HNRNPA2B1: variants seen among roughly 807,000 people sequenced by gnomAD.
HNRNPA2B1 encodes heterogeneous nuclear ribonucleoprotein A2/B1.
In HNRNPA2B1, 3 loss-of-function variants were observed where a neutral mutation model predicts 46.3. The ratio of observed to expected loss-of-function variants is 0.06; its 90% CI spans 0.03 to 0.17. The LOEUF (loss-of-function observed/expected upper bound fraction) is 0.17, where lower values mean the gene tolerates loss of function less well. Among genes scored for constraint, HNRNPA2B1 ranks in the 10% least tolerant of loss-of-function variants. The pLI, the probability that HNRNPA2B1 is intolerant of heterozygous loss-of-function variation, is 1.00. For missense variants in HNRNPA2B1, 221 were observed against 418.9 expected, an observed-to-expected ratio of 0.53 and a Z score of 4.12; for synonymous variants, 225 against 133.8, an observed-to-expected ratio of 1.68 and a Z score of -4.70.
At chr7:26,195,752 A>G in intron 7 of HNRNPA2B1, 95 bp downstream of exon 7, 3 of 1,379,474 alleles carry the variant, frequency 2.2e-6, no homozygotes, top group Non-Finnish European at 2.9e-6. Flanking sequence ...ACACTAATAT[A>G]AAATGTTTAA....
chr7:26,196,746 T>G (rs1430360995), intron 4 of HNRNPA2B1, 61 bp downstream of exon 4: 20 of 1,565,932 alleles, frequency 1.3e-5, no homozygotes, highest in Non-Finnish European at 1.7e-5. Flanking sequence ...GTTACAGATG[T>G]TAACATACAC....
chr7:26,196,050 C>T lies in HNRNPA2B1; in HGVS notation c.659-141G>A, dbSNP rs1342027937. The T allele has an allele frequency of 4.9e-6, 6 of 1,214,674 alleles. No homozygotes were observed. The East Asian group carries it at 1.4e-4, about 28-fold the overall frequency. The allele number at this position is 1,214,674 out of a possible 1,614,324, so 75.2% of individuals were successfully genotyped here. ...CACACCAGTGCTACCAGTTTACCCACAAAACATGAAAGCATATAATTAAAT... is the reference window on the plus strand; with the variant it reads ...CACACCAGTGCTACCAGTTTACCCATAAAACATGAAAGCATATAATTAAAT... On this transcript the variant is annotated intron_variant, in intron 6 of 10. Transcript: ENST00000618183.
intron 10 of HNRNPA2B1, 26 bp downstream of exon 10, chr7:26,192,469 A>T: frequency 6.9e-7 from 1 of 1,450,394 alleles, no homozygotes. Context: ...AGATAATAAT[A>T]ATTGTAAAAC....
intron 7 of HNRNPA2B1, among the ~76,000 whole-genome samples, chr7:26,194,297 G>A (rs1783252216): frequency 6.6e-6 from 1 of 152,162 alleles, no homozygotes; most frequent in African/African-American, 2.4e-5. Context: ...TCTGGAGGCT[G>A]AGGCAGGAGA....
intron 8 of HNRNPA2B1, 62 bp from the exon 9 acceptor site, chr7:26,193,435 C>T (rs1486145901): frequency 1.2e-5 from 19 of 1,553,226 alleles, no homozygotes; most frequent in Non-Finnish European, 1.6e-5. Context: ...TAGGACAAAG[C>T]TCCCATAAAA....
At chr7:26,195,092 C>CAAAAAAAAAA (rs11356411) in intron 7 of HNRNPA2B1, among the ~76,000 whole-genome samples, 3 of 51,934 alleles carry the variant, frequency 5.8e-5, no homozygotes, top group Admixed American at 2.0e-4. Flanking sequence ...GGCTCCGTCT[C>CAAAAAAAAAA]AAAAAAAAAA....
chr7:26,194,156 GA>G (rs1257930470), intron 7 of HNRNPA2B1, among the ~76,000 whole-genome samples: 11 of 152,138 alleles, frequency 7.2e-5, no homozygotes, highest in Non-Finnish European at 1.2e-4. Flanking sequence ...AGCACTTTGG[GA>G]AGGCCGAGGC....
intron 7 of HNRNPA2B1, among the ~76,000 whole-genome samples, chr7:26,194,980 G>A (rs979801490): frequency 1.4e-4 from 21 of 151,110 alleles, no homozygotes; most frequent in African/African-American, 4.6e-4. Flanking sequence ...GGTAATCCCA[G>A]CTACTCAGGA....
At chr7:26,199,055 T>C (rs1474247704) in intron 1 of HNRNPA2B1, 1 of 152,262 alleles carries the variant, frequency 6.6e-6, no homozygotes, top group South Asian at 2.1e-4. Flanking sequence ...CGATAGTTAT[T>C]TTCATTTTTT....
In HNRNPA2B1 at chr7:26,191,895, T is replaced by G. The variant is rs2128106647; in HGVS notation, c.*465A>C. On this transcript the variant is annotated 3_prime_UTR_variant, in exon 11 of 11. Transcript: ENST00000618183. Reference sequence around the variant, plus strand: ...CATAAATGTACAACAGCTTCTTAACTCTACACACGCACTTAAATTTTTTTA... The same window carrying G: ...CATAAATGTACAACAGCTTCTTAACGCTACACACGCACTTAAATTTTTTTA... 6.5e-6 allele frequency: 1 copy of G among 152,766 alleles called. No homozygotes were observed. Among genetic ancestry groups the G allele is most frequent in the African/African-American group, 2.4e-5 (1 of 41,584 alleles). 9.5% of individuals were successfully genotyped at this position (152,766 alleles called of 1,614,324 possible). A position where few individuals can be genotyped will look rare whatever the true frequency, so the allele number is the denominator to read the frequency against.
rs1182025592 is a variant in HNRNPA2B1 at position 26,192,032 on chromosome 7, CATT to C, written c.*325_*327del. ...TGTCACCTGAAACTTACAAATTTAA[CATT>C]ATCAAAGAAGGAATGCTTCTACACT... is the stretch of plus-strand genomic sequence containing the variant. On this transcript the variant is annotated 3_prime_UTR_variant, in exon 11 of 11. Transcript: ENST00000618183. The C allele has an allele frequency of 6.5e-6, 1 of 152,704 alleles. No homozygotes were observed. Among genetic ancestry groups the C allele is most frequent in the African/African-American group, 2.4e-5 (1 of 41,422 alleles). The allele number at this position is 152,704 out of a possible 1,614,324, so 9.5% of individuals were successfully genotyped here.
chr7:26,199,028 G>C (rs538736604), intron 1 of HNRNPA2B1: 1 of 152,254 alleles, frequency 6.6e-6, no homozygotes, highest in African/African-American at 2.4e-5. Context: ...GCAGTCTTTT[G>C]AAATGGTTAC....
chr7:26,197,772 TC>T (rs1783812818), intron 1 of HNRNPA2B1, 40 bp from the exon 2 acceptor site: 1 of 1,599,390 alleles, frequency 6.3e-7, no homozygotes, highest in South Asian at 1.1e-5. Context: ...ATTTACATTT[TC>T]CTCTTTGTAT....
rs1783770742 is a variant in HNRNPA2B1, at chr7:26,197,433, G to T, written c.146C>A (p.Ser49Ter). The change falls in exon 3 of 11, where the codon TCA (serine) becomes TAA (stop). Residue 49 changes from serine (S) to a stop codon, truncating the protein, a stop_gained. Coordinates refer to ENST00000618183, the MANE Select transcript of HNRNPA2B1 (RefSeq NM_002137.4). LOFTEE classifies it high-confidence loss of function. ...VVMRDPASKRSRGFGFVTFSS... is the reference protein window; with the variant it reads ...VVMRDPASKR ...AAAAGTTACAAAACCAAATCCTCTT[G>T]ATCTTTTGCTTGCAGGATCCCTCAT... 1 of 1,613,804 alleles carries T rather than the reference G, an allele frequency of 6.2e-7. No homozygotes were observed. The highest frequency in any genetic ancestry group is 8.5e-7 in the Non-Finnish European group (1 of 1,179,936).
intron 1 of HNRNPA2B1, chr7:26,198,541 TAAGATAAC>T (rs948035747): frequency 7.2e-5 from 11 of 151,964 alleles, no homozygotes; most frequent in Non-Finnish European, 1.6e-4. Flanking sequence ...GCATAATCTC[TAAGATAAC>T]AATTACTGAA....
At chr7:26,194,969 C>T (rs531994981) in intron 7 of HNRNPA2B1, among the ~76,000 whole-genome samples, 2 of 151,172 alleles carry the variant, frequency 1.3e-5, no homozygotes, top group South Asian at 2.1e-4. Flanking sequence ...TGGTGCACGC[C>T]GGTAATCCCA....
chr7:26,197,265 C>A, intron 3 of HNRNPA2B1, 50 bp downstream of exon 3: 1 of 1,532,360 alleles, frequency 6.5e-7, no homozygotes, highest in South Asian at 1.2e-5. Context: ...TGATTTTCAG[C>A]AGGGCAGCGT....
In HNRNPA2B1 at chr7:26,195,929, G is replaced by A; in HGVS notation, c.659-20C>T. The stretch of plus-strand genomic sequence containing the variant: ...ATCCATCTGTTAGGGGCCAAAAAAA[G>A]ATTACGTTTACTATAAACTGTTCAG... On this transcript the variant is annotated intron_variant, in intron 6 of 10. Coordinates refer to ENST00000618183, the MANE Select transcript of HNRNPA2B1 (RefSeq NM_002137.4). 6.3e-7 allele frequency: 1 copy of A among 1,595,392 alleles called. No individual in the cohort carries two copies. The highest frequency in any genetic ancestry group is 8.5e-7 in the Non-Finnish European group (1 of 1,174,938).
At chr7:26,192,856 C>T (rs1783067449) in intron 9 of HNRNPA2B1, among the ~76,000 whole-genome samples, 1 of 152,040 alleles carries the variant, frequency 6.6e-6, no homozygotes. Flanking sequence ...ACATCAAGCC[C>T]AAGACAAAGC....
Sources: allele counts gnomAD v4.1 joint callset (sites outside exome capture counted in the v4.1 genomes callset), GRCh38; gene constraint gnomAD v4.1.1; transcripts MANE v1.5; gene names NCBI Gene and HGNC (gene_info 2026-07-23, HGNC 2026-07-21).